The following DDX60L variants were observed in gnomAD, a reference collection of about 807,000 sequenced individuals.
DDX60L encodes probable ATP-dependent RNA helicase DDX60-like.
A neutral mutation model predicts 211.6 loss-of-function variants in DDX60L; 191 were observed. The ratio of observed to expected loss-of-function variants is 0.90; its 90% confidence interval spans 0.80 to 1.02. The LOEUF (loss-of-function observed/expected upper bound fraction) is 1.02. DDX60L is among the 50% of genes least tolerant of loss of function. The pLI is 0.00. For synonymous variants in DDX60L, 706 were observed against 694.1 expected, an observed-to-expected ratio of 1.02 and a Z score of -0.27; for missense variants, 2,007 against 1,984.1, an observed-to-expected ratio of 1.01 and a Z score of -0.22.
Position 168,458,198 on chromosome 4 carries a change from T to C in DDX60L, c.607-190A>G, listed in dbSNP as rs535561508. ...TAGAGAAATACGAATGCTTATACAC[T>C]GTTGGTGGGGATGAAATTAGTTCAA... On this transcript the variant is annotated intron_variant, in intron 5 of 37. Transcript: ENST00000682922. 1.1e-4 allele frequency among the ~76,000 whole-genome samples: 17 copies of C among 152,272 alleles called. No homozygotes were observed. In the South Asian group the frequency reaches 3.5e-3, roughly 32 times the overall value.
At position 168,453,125 on chromosome 4, in the gene DDX60L, A is replaced by G. The variant is rs1008665720; in HGVS notation, c.995T>C (p.Met332Thr). The change falls in exon 8 of 38, where the codon ATG becomes ACG. Residue 332 changes from methionine (M) to threonine (T), a missense_variant and splice_region_variant. Coordinates refer to ENST00000682922, the MANE Select transcript of DDX60L (RefSeq NM_001012967.3). ...AAAAAATAAACAAAATATGTTTACCATTTTTAAGAAAGAATCACTGTTCCT... is the reference window on the plus strand; with the variant it reads ...AAAAAATAAACAAAATATGTTTACCGTTTTTAAGAAAGAATCACTGTTCCT... Reference protein sequence around the residue: ...WIRNSDSFLKMNKWCEYFILS... With the variant: ...WIRNSDSFLKTNKWCEYFILS... 3 of 1,602,728 alleles carry G rather than the reference A, an allele frequency of 1.9e-6. No individual in the cohort carries two copies. The highest frequency in any genetic ancestry group is 1.7e-6 in the Non-Finnish European group (2 of 1,175,706).
chr4:168,372,242 G>A (rs1292490470), intron 35 of DDX60L, among the ~76,000 whole-genome samples: 1 of 152,028 alleles, frequency 6.6e-6, no homozygotes, highest in African/African-American at 2.4e-5. Flanking sequence ...CTGGGCTCCA[G>A]AGAGAAGAAA....
chr4:168,364,817 T>C (rs561012105), intron 36 of DDX60L, among the ~76,000 whole-genome samples: 1 of 152,306 alleles, frequency 6.6e-6, no homozygotes, highest in Non-Finnish European at 1.5e-5. Context: ...ATAGAGATCA[T>C]ATCAAGTAAC....
chr4:168,449,654 A>AAAAAAAAAAT (rs1755455554), intron 8 of DDX60L, among the ~76,000 whole-genome samples: 1 of 59,674 alleles, frequency 1.7e-5, no homozygotes, highest in African/African-American at 8.0e-5. Flanking sequence ...AAAAAATGCA[A>AAAAAAAAAAT]AAAAAAAAAA....
In DDX60L at chr4:168,457,902, A is replaced by G; in HGVS notation, c.713T>C (p.Met238Thr). Residue 238 changes from methionine to threonine, a missense_variant, in exon 6 of 38, where the codon ATG becomes ACG. Met to Thr is a moderately conservative substitution (Grantham distance 81). Transcript: ENST00000682922. ...THFEHLKWND[M>T]MEEAYQTLFL... ...TAAAAATTTTAATACCTCTTCCATC[A>G]TATCATTCCATTTCAAATGTTCAAA... 2 of 1,531,072 alleles carry G rather than the reference A, an allele frequency of 1.3e-6. No homozygotes were observed. Among genetic ancestry groups the G allele is most frequent in the Non-Finnish European group, 1.8e-6 (2 of 1,134,504 alleles). 94.8% of individuals were successfully genotyped at this position (1,531,072 alleles called of 1,614,324 possible).
chr4:168,365,923 T>A (rs1739906801), intron 36 of DDX60L, among the ~76,000 whole-genome samples: 1 of 152,064 alleles, frequency 6.6e-6, no homozygotes, highest in African/African-American at 2.4e-5. Context: ...ACAAAAACCA[T>A]ATGATCTTTT....
chr4:168,385,341 G>A (rs567831549), intron 29 of DDX60L, among the ~76,000 whole-genome samples: 1 of 152,186 alleles, frequency 6.6e-6, no homozygotes, highest in South Asian at 2.1e-4. Context: ...GTTTCCTGGA[G>A]GGTGGTGTGC....
chr4:168,360,937 T>G (rs922406991), intron 37 of DDX60L, among the ~76,000 whole-genome samples: 1 of 152,196 alleles, frequency 6.6e-6, no homozygotes, highest in African/African-American at 2.4e-5. Context: ...GGATTTGAGA[T>G]GAATCTTAAT....
chr4:168,361,521 C>A, intron 36 of DDX60L: 1 of 184,016 alleles, frequency 5.4e-6, no homozygotes. Context: ...AATATTATTT[C>A]TACTTACTTC....
chr4:168,401,113 G>T, intron 25 of DDX60L, 135 bp from the exon 26 acceptor site: 1 of 765,198 alleles, frequency 1.3e-6, no homozygotes, highest in Non-Finnish European at 2.0e-6. Context: ...AATTTAAACT[G>T]AAAGACTGGT....
chr4:168,437,037 A>G (rs1396165239), intron 10 of DDX60L, among the ~76,000 whole-genome samples: 1 of 152,174 alleles, frequency 6.6e-6, no homozygotes, highest in African/African-American at 2.4e-5. Context: ...ATCCCTTCAT[A>G]CTACCATGCC....
chr4:168,433,274 C>T (rs1468235158), intron 10 of DDX60L, among the ~76,000 whole-genome samples, 159 bp from the exon 11 acceptor site: 1 of 151,966 alleles, frequency 6.6e-6, no homozygotes, highest in Non-Finnish European at 1.5e-5. Flanking sequence ...TCAAAGCAAA[C>T]ATGTTGTAGC....
chr4:168,476,342 C>G (rs549364423), intron 1 of DDX60L, among the ~76,000 whole-genome samples: 13 of 152,090 alleles, frequency 8.5e-5, no homozygotes, highest in African/African-American at 2.9e-4. Flanking sequence ...TTTGAAACAT[C>G]TAATAAATTA....
intron 12 of DDX60L, among the ~76,000 whole-genome samples, chr4:168,432,242 T>TCTTG: frequency 6.8e-6 from 1 of 147,880 alleles, no homozygotes; most frequent in Non-Finnish European, 1.5e-5. Context: ...TATATATATA[T>TCTTG]TGTGTGTGTG....
intron 33 of DDX60L, among the ~76,000 whole-genome samples, chr4:168,377,011 C>T (rs999790952): frequency 6.6e-6 from 1 of 152,164 alleles, no homozygotes; most frequent in Non-Finnish European, 1.5e-5. Flanking sequence ...AAAAAGTGGG[C>T]TGGGCATGGT....
rs1750275263 is a variant in DDX60L, at chr4:168,420,268, T to C, written c.2507A>G (p.Asn836Ser). ...FTRDYCHNVL[N>S]CQVLITVPEC... ...TTAATTAATATGTCATACCTGACAG[T>C]TTAGTACATTGTGACAATAATCTCT... The change falls in exon 18 of 38, where the codon AAC (asparagine) becomes AGC (serine). Residue 836 changes from asparagine (N) to serine (S), a missense_variant. Asn to Ser is a conservative substitution (Grantham distance 46, BLOSUM62 1). Transcript: ENST00000682922. 1 of 1,596,566 alleles carries C rather than the reference T, an allele frequency of 6.3e-7. No homozygotes were observed. The highest frequency in any genetic ancestry group is 2.2e-5 in the East Asian group (1 of 44,708).
intron 33 of DDX60L, 117 bp from the exon 34 acceptor site, chr4:168,375,641 G>T: frequency 1.2e-5 from 12 of 974,524 alleles, no homozygotes; most frequent in East Asian, 6.1e-5. Flanking sequence ...CAAAACCCTT[G>T]ATTACTTTAC....
chr4:168,426,136 C>T lies in DDX60L; in HGVS notation c.1930+934G>A, dbSNP rs533425922. On this transcript the variant is annotated intron_variant, in intron 14 of 37. Coordinates refer to ENST00000682922, the MANE Select transcript of DDX60L (RefSeq NM_001012967.3). ...CTGCAGGTGCTATTGGGCATCTATT[C>T]CCCCATAGCTATGGCTCTCAAGGAA... 1.1e-4 allele frequency among the ~76,000 whole-genome samples: 16 copies of T among 152,282 alleles called. No individual in the cohort carries two copies. The South Asian group carries it at 2.9e-3, about 28-fold the overall frequency.
intron 7 of DDX60L, among the ~76,000 whole-genome samples, chr4:168,454,758 C>CTTTTTTTTTTTTTTTTTTTTTTTT (rs767461447): frequency 0.011 from 962 of 88,554 alleles, 154 homozygotes; most frequent in Non-Finnish European, 0.016. Context: ...AAACAGCTTC[C>CTTTTTTTTTTTTTTTTTTTTTTTT]TTTTTTTTTT....
Sources: allele counts gnomAD v4.1 joint callset (sites outside exome capture counted in the v4.1 genomes callset), GRCh38; gene constraint gnomAD v4.1.1; transcripts MANE v1.5; gene names NCBI Gene and HGNC (gene_info 2026-07-23, HGNC 2026-07-21).